SKIC3: variants seen among roughly 807,000 people sequenced by gnomAD.
SKIC3 encodes the protein SKI3 subunit of superkiller complex.
the SKIC3 span, chr5:95,547,184 G>T: frequency 6.3e-7 from 1 of 1,583,472 alleles, no homozygotes. Flanking sequence ...TAAATCTACA[G>T]TAATACCTAC....
the SKIC3 span, chr5:95,494,704 C>G: frequency 6.2e-7 from 1 of 1,613,636 alleles, no homozygotes; most frequent in Non-Finnish European, 8.5e-7. Flanking sequence ...GAGCTGCCTT[C>G]TGAATGGTCT....
chr5:95,523,652 T>C, the SKIC3 span: 1 of 1,613,250 alleles, frequency 6.2e-7, no homozygotes, highest in South Asian at 1.1e-5. Context: ...TTATTAGACA[T>C]ACCATATCTT....
At chr5:95,516,411 TAAAAA>T in the SKIC3 span, 228 of 1,612,992 alleles carry the variant, frequency 1.4e-4, no homozygotes, top group Non-Finnish European at 1.8e-4. Context: ...AACAGCATTC[TAAAAA>T]ACATAACATT....
chr5:95,506,433 C>T, the SKIC3 span, among the ~76,000 whole-genome samples: 118 of 152,248 alleles, frequency 7.8e-4, no homozygotes, highest in Middle Eastern at 3.4e-3. Context: ...TAGTTCTACC[C>T]TCTAAAACAA....
chr5:95,522,970 C>G, the SKIC3 span, among the ~76,000 whole-genome samples: 1 of 152,126 alleles, frequency 6.6e-6, no homozygotes, highest in Non-Finnish European at 1.5e-5. Context: ...AACTACTATA[C>G]ATATGTATTA....
the SKIC3 span, among the ~76,000 whole-genome samples, chr5:95,465,440 C>T: frequency 6.6e-6 from 1 of 152,156 alleles, no homozygotes; most frequent in Non-Finnish European, 1.5e-5. Context: ...TTACCTATTT[C>T]ACAAACTAGA....
chr5:95,494,854 T>G, the SKIC3 span: 3 of 1,598,930 alleles, frequency 1.9e-6, 1 homozygote, highest in East Asian at 2.2e-5. Context: ...TCAAACTGAC[T>G]AAAAGACTCT....
chr5:95,527,902 T>C, the SKIC3 span: 10 of 1,194,534 alleles, frequency 8.4e-6, no homozygotes, highest in Middle Eastern at 1.9e-4. Context: ...GGTGAATTCA[T>C]ACCTCTAACA....
At chr5:95,482,878 C>T in the SKIC3 span, among the ~76,000 whole-genome samples, 1 of 152,076 alleles carries the variant, frequency 6.6e-6, no homozygotes, top group East Asian at 1.9e-4. Flanking sequence ...TTCCCTTTGA[C>T]TTAGTTTACT....
chr5:95,496,646 G>T, the SKIC3 span, among the ~76,000 whole-genome samples: 108 of 152,184 alleles, frequency 7.1e-4, 2 homozygotes, highest in Non-Finnish European at 3.7e-4. Context: ...TTAATTCTAG[G>T]CCTCAAATTA....
chr5:95,541,340 C>T, the SKIC3 span: 2 of 1,613,758 alleles, frequency 1.2e-6, no homozygotes, highest in Non-Finnish European at 1.7e-6. Context: ...TATAGATCCA[C>T]AAGTTTCTTG....
chr5:95,541,185 C>G, the SKIC3 span: 1 of 882,378 alleles, frequency 1.1e-6, no homozygotes, highest in Non-Finnish European at 1.9e-6. Context: ...TGGCTGGTCT[C>G]GAACTCCCGA....
At chr5:95,469,654 T>C in the SKIC3 span, 2 of 1,288,618 alleles carry the variant, frequency 1.6e-6, no homozygotes, top group Non-Finnish European at 1.1e-6. Flanking sequence ...GATATATAAA[T>C]ACCCCCCAAA....
At chr5:95,468,506 AC>A in the SKIC3 span, among the ~76,000 whole-genome samples, 1 of 152,274 alleles carries the variant, frequency 6.6e-6, no homozygotes, top group Non-Finnish European at 1.5e-5. Flanking sequence ...GATAATGTAA[AC>A]CCATGTAATA....
At chr5:95,507,393 G>GA in the SKIC3 span, among the ~76,000 whole-genome samples, 1 of 152,144 alleles carries the variant, frequency 6.6e-6, no homozygotes, top group Non-Finnish European at 1.5e-5. Flanking sequence ...CCAGGAAATT[G>GA]AATGCTTTCA....
the SKIC3 span, among the ~76,000 whole-genome samples, chr5:95,502,114 C>T: frequency 6.6e-6 from 1 of 152,118 alleles, no homozygotes; most frequent in Admixed American, 6.5e-5. Flanking sequence ...CTCCATCCCC[C>T]CACCTTTGGA....
the SKIC3 span, among the ~76,000 whole-genome samples, chr5:95,551,904 T>A: frequency 6.6e-6 from 1 of 152,172 alleles, no homozygotes; most frequent in Non-Finnish European, 1.5e-5. Context: ...CTATCTACTA[T>A]TATTCTCTCA....
the SKIC3 span, among the ~76,000 whole-genome samples, chr5:95,518,017 T>C: frequency 6.6e-6 from 1 of 152,056 alleles, no homozygotes; most frequent in African/African-American, 2.4e-5. Flanking sequence ...GCCAGCACCA[T>C]GCTCCTGGAC....
At chr5:95,525,746 G>C in the SKIC3 span, 2 of 1,397,478 alleles carry the variant, frequency 1.4e-6, no homozygotes, top group African/African-American at 2.8e-5. Flanking sequence ...TTTAATTAAC[G>C]AACGAACACA....
Sources: gnomAD v4.1 joint callset for allele counts (sites outside exome capture counted in the v4.1 genomes callset) on GRCh38, gnomAD v4.1.1 for gene constraint, MANE v1.5 for transcripts, NCBI Gene and HGNC (gene_info 2026-07-23, HGNC 2026-07-21) for gene names.